EGFLAM: variants seen among roughly 807,000 people sequenced by gnomAD.
EGFLAM encodes EGF like, fibronectin type III and laminin G domains, also known as pikachurin.
Under a neutral mutation model 113.1 loss-of-function variants are expected in EGFLAM, and 79 were observed. The ratio of observed to expected loss-of-function variants is 0.70; its 90% confidence interval spans 0.58 to 0.84. The LOEUF (loss-of-function observed/expected upper bound fraction) is 0.84, where lower values mean the gene tolerates loss of function less well. EGFLAM is among the 40% of genes least tolerant of loss of function. The pLI, the probability that EGFLAM is intolerant of heterozygous loss-of-function variation, is 0.00. For missense variants in EGFLAM, 1,265 were observed against 1,291.6 expected (o/e 0.98, Z 0.32); for synonymous variants, 504 against 487.6 (o/e 1.03, Z -0.44).
chr5:38,425,199 G>T, intron 13 of EGFLAM, 107 bp downstream of exon 13: 2 of 1,476,380 alleles, frequency 1.4e-6, no homozygotes, highest in Admixed American at 2.0e-5. Flanking sequence ...TTGTTTTTGA[G>T]ACAAAGGCTC....
At chr5:38,265,860 C>T (rs558116469) in intron 1 of EGFLAM, among the ~76,000 whole-genome samples, 1 of 152,210 alleles carries the variant, frequency 6.6e-6, no homozygotes, top group Non-Finnish European at 1.5e-5. Flanking sequence ...AAACAAGAAC[C>T]TCAGATGACT....
intron 6 of EGFLAM, among the ~76,000 whole-genome samples, chr5:38,388,414 A>T (rs1336570320): frequency 6.6e-6 from 1 of 152,032 alleles, no homozygotes; most frequent in Non-Finnish European, 1.5e-5. Context: ...GAGCCCGGAA[A>T]TTCAAGACCA....
rs930641164 is a variant in EGFLAM at position 38,258,594 on chromosome 5, C to T, written c.-161C>T. 7 of 779,422 alleles carry T rather than the reference C, an allele frequency of 9.0e-6. No homozygotes were observed. Among genetic ancestry groups the T allele is most frequent in the Non-Finnish European group, 1.5e-5 (7 of 466,374 alleles). The allele number at this position is 779,422 out of a possible 1,614,324, so 48.3% of individuals were successfully genotyped here. A position where few individuals can be genotyped will look rare whatever the true frequency, so the allele number is the denominator to read the frequency against. The stretch of plus-strand genomic sequence containing the variant: ...GCCGACCTCCCGGCTGCAGTCCTAC[C>T]TCTTGGAACTACCCGTGTTTCCGGG... On this transcript the variant is annotated 5_prime_UTR_variant, in exon 1 of 22. Coordinates refer to ENST00000322350, the MANE Select transcript of EGFLAM (RefSeq NM_152403.4).
chr5:38,285,457 TAGCAG>T (rs1455750572), intron 1 of EGFLAM, among the ~76,000 whole-genome samples: 1 of 152,088 alleles, frequency 6.6e-6, no homozygotes, highest in African/African-American at 2.4e-5. Context: ...CACTCCACAT[TAGCAG>T]GGAGGGTGGA....
In EGFLAM at chr5:38,412,760, T is replaced by G. The variant is rs1036223803; in HGVS notation, c.1494+112T>G. 6 of 1,453,026 alleles carry G rather than the reference T, an allele frequency of 4.1e-6. No homozygotes were observed. The South Asian group carries it at 7.0e-5, about 17-fold the overall frequency. The allele number at this position is 1,453,026 out of a possible 1,614,324, so 90.0% of individuals were successfully genotyped here. ...GAGTCTGCAGGATTCAAGTTCTGGA[T>G]GGGCTTGGTAAGGCCTATTTCTCAT... On this transcript the variant is annotated intron_variant, in intron 11 of 21. Transcript: ENST00000322350.
chr5:38,331,486 A>G (rs1739041122), intron 1 of EGFLAM, among the ~76,000 whole-genome samples: 1 of 152,140 alleles, frequency 6.6e-6, no homozygotes, highest in Non-Finnish European at 1.5e-5. Flanking sequence ...AGAATCATAC[A>G]GTATGTAGCC....
chr5:38,357,596 C>T (rs1739795929), intron 5 of EGFLAM, among the ~76,000 whole-genome samples: 1 of 152,046 alleles, frequency 6.6e-6, no homozygotes, highest in African/African-American at 2.4e-5. Flanking sequence ...CTGTGTGAGC[C>T]AAAAGGTCCT....
rs374019595 is a variant in EGFLAM, at chr5:38,343,656, G to A, written c.291+4875G>A. ...TCCTTACAACTCCTCCCTCCACCCT[G>A]CTCTGCACAGCCGTCCTCAGTGCAT... On this transcript the variant is annotated intron_variant, in intron 3 of 21. Coordinates refer to ENST00000322350, the MANE Select transcript of EGFLAM (RefSeq NM_152403.4). Among the ~76,000 whole-genome samples, 10 of 152,144 alleles carry A rather than the reference G, an allele frequency of 6.6e-5. No homozygotes were observed. In the East Asian group the frequency reaches 1.3e-3, roughly 21 times the overall value.
At chr5:38,420,793 TTTG>T (rs549388580) in intron 12 of EGFLAM, among the ~76,000 whole-genome samples, 9 of 152,322 alleles carry the variant, frequency 5.9e-5, no homozygotes, top group East Asian at 3.9e-4. Context: ...TTCTGCCAGC[TTTG>T]TTAATTCTGA....
At chr5:38,325,178 C>T (rs182568418) in intron 1 of EGFLAM, among the ~76,000 whole-genome samples, 65 of 152,258 alleles carry the variant, frequency 4.3e-4, no homozygotes, top group African/African-American at 1.3e-3. Context: ...TCACCAGGAA[C>T]ATCAATGTGA....
chr5:38,388,581 T>TAAA (rs529025586), intron 6 of EGFLAM, among the ~76,000 whole-genome samples: 3 of 151,328 alleles, frequency 2.0e-5, no homozygotes, highest in African/African-American at 7.3e-5. Context: ...CCATCTCTAC[T>TAAA]AAAAAAATAT....
chr5:38,320,245 T>C (rs1330949021), intron 1 of EGFLAM, among the ~76,000 whole-genome samples: 1 of 152,206 alleles, frequency 6.6e-6, no homozygotes, highest in Non-Finnish European at 1.5e-5. Flanking sequence ...ACTACACCAC[T>C]GGTTCAAGAG....
chr5:38,259,182 G>A (rs1263923432), intron 1 of EGFLAM, among the ~76,000 whole-genome samples: 1 of 152,200 alleles, frequency 6.6e-6, no homozygotes, highest in Non-Finnish European at 1.5e-5. Flanking sequence ...ATGCAGAGGA[G>A]TCAAACCAGC....
rs1341778814 is a variant in EGFLAM, at chr5:38,406,852, G to A, written c.853G>A (p.Gly285Arg). The change falls in exon 8 of 22, where the codon GGA becomes AGA. Residue 285 changes from glycine (G) to arginine (R), a missense_variant. Gly to Arg is a moderately radical substitution (Grantham distance 125, BLOSUM62 -2). Coordinates refer to ENST00000322350, the MANE Select transcript of EGFLAM (RefSeq NM_152403.4). ...GGTTAAACCACTTCCTGCTACCAAA[G>A]GAGGGAATAAGAAATTTTTGGTGGA... Reference protein sequence around the residue: ...EEVKPLPATKGGNKKFLVESK... With the variant: ...EEVKPLPATKRGNKKFLVESK... 6.2e-7 allele frequency: 1 copy of A among 1,613,846 alleles called. No homozygotes were observed. Among genetic ancestry groups the A allele is most frequent in the Non-Finnish European group, 8.5e-7 (1 of 1,179,914 alleles).
At chr5:38,320,657 T>C (rs771529452) in intron 1 of EGFLAM, among the ~76,000 whole-genome samples, 11 of 151,976 alleles carry the variant, frequency 7.2e-5, no homozygotes, top group Non-Finnish European at 5.9e-5. Context: ...GATGGGAGGT[T>C]GGTGGGTGGA....
chr5:38,261,903 A>G (rs1757509111), intron 1 of EGFLAM, among the ~76,000 whole-genome samples: 1 of 152,162 alleles, frequency 6.6e-6, no homozygotes, highest in Non-Finnish European at 1.5e-5. Context: ...AGGGCCCACT[A>G]CAGTACCTGA....
chr5:38,425,055 C>T lies in EGFLAM; in HGVS notation c.1773C>T (p.Leu591=). The change falls in exon 13 of 22, where the codon CTC becomes CTT. Residue 591 remains leucine, a synonymous_variant. Coordinates refer to ENST00000322350, the MANE Select transcript of EGFLAM (RefSeq NM_152403.4). ...TAIKADSYIC[L]CPLGFKGRHC... is the part of the protein sequence containing the mutation. ...TCAAAGCCGACTCCTACATTTGCCT[C>T]TGTCCCCTTGGGTTTAAAGGTCGAC... 6.2e-7 allele frequency: 1 copy of T among 1,614,106 alleles called. No homozygotes were observed. Among genetic ancestry groups the T allele is most frequent in the Non-Finnish European group, 8.5e-7 (1 of 1,179,988 alleles).
intron 13 of EGFLAM, 114 bp from the exon 14 acceptor site, chr5:38,426,895 T>A: frequency 6.8e-7 from 1 of 1,466,514 alleles, no homozygotes; most frequent in Non-Finnish European, 9.2e-7. Flanking sequence ...ACTGCAGGGC[T>A]GCTGGGAATT....
At chr5:38,264,093 G>A (rs764500863) in intron 1 of EGFLAM, among the ~76,000 whole-genome samples, 3 of 152,158 alleles carry the variant, frequency 2.0e-5, no homozygotes, top group African/African-American at 2.4e-5. Context: ...GTTAAAGACC[G>A]GTGCTCCCAG....
Sources: gnomAD v4.1 joint callset for allele counts (sites outside exome capture counted in the v4.1 genomes callset) on GRCh38, gnomAD v4.1.1 for gene constraint, MANE v1.5 for transcripts, NCBI Gene and HGNC (gene_info 2026-07-23, HGNC 2026-07-21) for gene names.